Variants in TAPBPL observed in about 807,000 individuals in gnomAD.
The protein encoded by TAPBPL is TAP binding protein like, also known as tapasin-related protein.
In TAPBPL, 32 loss-of-function variants were observed where a neutral mutation model predicts 44.8. The observed-to-expected ratio is 0.71, with a 90% CI of 0.54 to 0.96. The LOEUF (loss-of-function observed/expected upper bound fraction) is 0.96. TAPBPL is among the 40% of genes least tolerant of loss of function. The probability of loss-of-function intolerance (pLI) is 0.00; values close to 1 mark genes in which losing one functional copy is unlikely to be tolerated. For missense variants in TAPBPL, 520 were observed against 586.6 expected, an observed-to-expected ratio of 0.89 and a Z score of 1.17; for synonymous variants, 230 against 240.7, an observed-to-expected ratio of 0.96 and a Z score of 0.41.
intron 5 of TAPBPL, 126 bp from the exon 6 acceptor site, chr12:6,460,729 C>A (rs1949833276): frequency 4.9e-6 from 4 of 821,942 alleles, no homozygotes; most frequent in East Asian, 5.1e-5. Context: ...TTGTTCCAGG[C>A]TCCTCAACCA....
At chr12:6,452,983 T>G in intron 1 of TAPBPL, 84 bp from the exon 2 acceptor site, 1 of 1,381,484 alleles carries the variant, frequency 7.2e-7, no homozygotes. Flanking sequence ...CTTTGATGAC[T>G]CCACAGCTTG....
intron 3 of TAPBPL, among the ~76,000 whole-genome samples, chr12:6,456,715 C>T (rs1254346584): frequency 4.6e-5 from 7 of 152,170 alleles, no homozygotes; most frequent in Middle Eastern, 3.4e-3. Context: ...TGCAATGGCG[C>T]GATCTTGGCT....
chr12:6,461,270 G>A, intron 6 of TAPBPL: 3 of 1,174,702 alleles, frequency 2.6e-6, no homozygotes, highest in Non-Finnish European at 3.2e-6. Flanking sequence ...TGGCTCTGCA[G>A]AGGCCTCTGC....
chr12:6,462,025 T>C lies in TAPBPL; in HGVS notation c.1292-9T>C. Reference sequence around the variant, plus strand: ...CACGCAACTTCCTGTCTTCACTTCCTCTTACCAGCACCTACAGGACTTGGG... The same window carrying C: ...CACGCAACTTCCTGTCTTCACTTCCCCTTACCAGCACCTACAGGACTTGGG... On this transcript the variant is annotated splice_polypyrimidine_tract_variant and intron_variant, in intron 6 of 6. Coordinates refer to ENST00000266556, the MANE Select transcript of TAPBPL (RefSeq NM_018009.5). 1 of 1,608,576 alleles carries C rather than the reference T, an allele frequency of 6.2e-7. No individual in the cohort carries two copies. Among genetic ancestry groups the C allele is most frequent in the East Asian group, 2.2e-5 (1 of 44,744 alleles).
chr12:6,470,654 G>A (rs1293248850), downstream of TAPBPL: 11 of 1,310,246 alleles, frequency 8.4e-6, no homozygotes, highest in South Asian at 7.4e-5. Flanking sequence ...ACTACCCCGC[G>A]GTCTAGCTGC....
chr12:6,467,410 G>C (rs969035616), downstream of TAPBPL, among the ~76,000 whole-genome samples: 4 of 152,192 alleles, frequency 2.6e-5, no homozygotes, highest in African/African-American at 9.7e-5. Context: ...CTCAGATGGA[G>C]ATGAGGAACT....
At chr12:6,457,934 TCCA>T (rs1164409582) in intron 4 of TAPBPL, among the ~76,000 whole-genome samples, 190 bp downstream of exon 4, 1 of 152,130 alleles carries the variant, frequency 6.6e-6, no homozygotes, top group East Asian at 1.9e-4. Context: ...CCAGGATAAT[TCCA>T]CCAAGAGATT....
At chr12:6,463,299 C>T, downstream of TAPBPL, 1 of 1,245,038 alleles carries the variant, frequency 8.0e-7, no homozygotes. The surrounding 1 kb of genome is among the most constrained non-coding windows in gnomAD (Gnocchi z 4.0). Context: ...CACAAGCACA[C>T]CTGACACAGG....
downstream of TAPBPL, chr12:6,470,556 C>T (rs1945747581): frequency 6.2e-7 from 1 of 1,613,940 alleles, no homozygotes; most frequent in East Asian, 2.2e-5. Context: ...GAGTGAGGGT[C>T]TGTTCCTCTC....
chr12:6,463,343 G>A, downstream of TAPBPL: 1 of 1,152,992 alleles, frequency 8.7e-7, no homozygotes, highest in Non-Finnish European at 1.1e-6. The surrounding 1 kb of genome is among the most constrained non-coding windows in gnomAD (Gnocchi z 4.0). Context: ...GGGCTGGTGG[G>A]TCTACATGAC....
chr12:6,452,096 G>T lies in TAPBPL; in HGVS notation c.-153G>T, dbSNP rs945325734. The T allele has an allele frequency of 2.5e-5, 23 of 903,902 alleles. No individual in the cohort carries two copies. The African/African-American group carries it at 2.8e-4, about 11-fold the overall frequency. 56.0% of individuals were successfully genotyped at this position (903,902 alleles called of 1,614,324 possible). A position where few individuals can be genotyped will look rare whatever the true frequency, so the allele number is the denominator to read the frequency against. ...CATCTTGCTCTAAGTGAAAGTGAAA[G>T]AAAAGTCGGCAGCAGAGGGAACAGG... On this transcript the variant is annotated 5_prime_UTR_variant, in exon 1 of 7. Coordinates refer to ENST00000266556, the MANE Select transcript of TAPBPL (RefSeq NM_018009.5).
intron 5 of TAPBPL, among the ~76,000 whole-genome samples, chr12:6,459,861 C>G (rs1164646180): frequency 6.6e-6 from 1 of 151,758 alleles, no homozygotes; most frequent in Non-Finnish European, 1.5e-5. Flanking sequence ...ACCTCCATAT[C>G]CTGGGTTCAA....
chr12:6,453,125 GGCGAAGGACGGTGCGCA>G lies in TAPBPL; in HGVS notation c.124_140del (p.Ala42ProfsTer8), dbSNP rs1191083138. 12 of 1,589,312 alleles carry G rather than the reference GGCGAAGGACGGTGCGCA, an allele frequency of 7.6e-6. No individual in the cohort carries two copies. Among genetic ancestry groups the G allele is most frequent in the Non-Finnish European group, 1.0e-5 (12 of 1,168,220 alleles). The stretch of plus-strand genomic sequence containing the variant: ...TGGACGTGGTCCTAGACTGCTTCCT[GGCGAAGGACGGTGCGCA>G]CCGTGGAGCTCTCGCCAGCAGTGAG... On this transcript the variant is annotated frameshift_variant, in exon 2 of 7. Coordinates refer to ENST00000266556, the MANE Select transcript of TAPBPL (RefSeq NM_018009.5). LOFTEE classifies it high-confidence loss of function. This position sits in a 1 kb window ranked among gnomAD's most constrained non-coding sequence, Gnocchi z 4.8.
At chr12:6,465,886 T>G, downstream of TAPBPL, 1 of 1,614,254 alleles carries the variant, frequency 6.2e-7, no homozygotes, top group Non-Finnish European at 8.5e-7. Context: ...TTGGCAGCAC[T>G]GCTCTCAAAT....
chr12:6,464,337 G>C (rs1949950658), downstream of TAPBPL: 28 of 1,550,164 alleles, frequency 1.8e-5, no homozygotes, highest in Non-Finnish European at 2.3e-5. Context: ...CAACGAAAAA[G>C]GAGGAATGGG....
In TAPBPL at chr12:6,462,170, C is replaced by A; in HGVS notation, c.*21C>A. The A allele has an allele frequency of 2.6e-6, 4 of 1,549,846 alleles. No individual in the cohort carries two copies. Among genetic ancestry groups the A allele is most frequent in the Non-Finnish European group, 2.7e-6 (3 of 1,130,190 alleles). On this transcript the variant is annotated 3_prime_UTR_variant, in exon 7 of 7. Transcript: ENST00000266556. ...GCTGACCTAAAGCGACATGAGACTA[C>A]TAGAAAGAAACGACACCCTTCCCCA... is the stretch of plus-strand genomic sequence containing the variant.
At chr12:6,454,674 G>A (rs1016402489) in intron 3 of TAPBPL, among the ~76,000 whole-genome samples, 2 of 152,098 alleles carry the variant, frequency 1.3e-5, no homozygotes, top group Non-Finnish European at 2.9e-5. Context: ...GCCAAAACCC[G>A]GTTTTCTCCC....
upstream of TAPBPL, chr12:6,451,869 G>A (rs1262297225): frequency 3.3e-5 from 11 of 329,416 alleles, no homozygotes; most frequent in South Asian, 2.0e-4. Context: ...CCAGGCTACT[G>A]TGGATCCTGT....
At chr12:6,464,994 G>C, downstream of TAPBPL, 4 of 1,609,436 alleles carry the variant, frequency 2.5e-6, no homozygotes, top group Non-Finnish European at 3.4e-6. Flanking sequence ...ATGAGGAAAA[G>C]AGCCACATCT....
Sources: gnomAD v4.1 joint callset for allele counts (sites outside exome capture counted in the v4.1 genomes callset) on GRCh38, gnomAD v4.1.1 for gene constraint, Gnocchi (gnomAD v3.1) non-coding constraint, MANE v1.5 for transcripts, NCBI Gene and HGNC (gene_info 2026-07-23, HGNC 2026-07-21) for gene names.